CAPN9: variants seen among roughly 807,000 people sequenced by gnomAD.
CAPN9 encodes calpain 9.
Under a neutral mutation model 92.8 loss-of-function variants are expected in CAPN9, and 81 were observed. That is an observed-to-expected ratio of 0.87 (90% CI 0.73 to 1.05). The LOEUF is 1.05. Among genes scored for constraint, CAPN9 ranks in the 50% least tolerant of loss-of-function variants. The pLI, the probability that CAPN9 is intolerant of heterozygous loss-of-function variation, is 0.00. For synonymous variants in CAPN9, 304 were observed against 328.0 expected, an observed-to-expected ratio of 0.93 and a Z score of 0.79; for missense variants, 848 against 866.2, an observed-to-expected ratio of 0.98 and a Z score of 0.26.
chr1:230,801,272 T>G (rs1668710580), intron 19 of CAPN9, among the ~76,000 whole-genome samples: 1 of 152,144 alleles, frequency 6.6e-6, no homozygotes, highest in African/African-American at 2.4e-5. Context: ...CCCAAGATGC[T>G]TCAGCGAGGC....
At chr1:230,761,344 C>T (rs954634626) in intron 3 of CAPN9, among the ~76,000 whole-genome samples, 2 of 152,152 alleles carry the variant, frequency 1.3e-5, no homozygotes, top group Non-Finnish European at 2.9e-5. Context: ...TCCTGACTCA[C>T]AGGCCCCCTG....
chr1:230,788,669 T>C (rs1476214157), intron 13 of CAPN9, among the ~76,000 whole-genome samples: 1 of 151,248 alleles, frequency 6.6e-6, no homozygotes, highest in Non-Finnish European at 1.5e-5. Flanking sequence ...ATGGAGAAAA[T>C]GGGGGCTCAT....
intron 5 of CAPN9, among the ~76,000 whole-genome samples, chr1:230,768,160 G>A (rs567846658): frequency 6.6e-6 from 1 of 152,228 alleles, no homozygotes; most frequent in African/African-American, 2.4e-5. Flanking sequence ...CTTGAGCCCA[G>A]GAGTTTGAGG....
chr1:230,759,687 G>GT, intron 3 of CAPN9, 57 bp downstream of exon 3: 1 of 1,128,720 alleles, frequency 8.9e-7, no homozygotes, highest in Non-Finnish European at 1.3e-6. Flanking sequence ...CATGAGGGCA[G>GT]GTGCATTTCC....
At chr1:230,779,940 G>T (rs779731528) in intron 9 of CAPN9, among the ~76,000 whole-genome samples, 12 of 152,182 alleles carry the variant, frequency 7.9e-5, no homozygotes, top group Non-Finnish European at 1.3e-4. Flanking sequence ...TTGAAGAGAA[G>T]GTGGAAATGA....
intron 1 of CAPN9, among the ~76,000 whole-genome samples, chr1:230,751,663 GAAAGAA>G (rs1664839094): frequency 3.0e-5 from 2 of 67,464 alleles, no homozygotes; most frequent in Non-Finnish European, 6.1e-5. Context: ...AAGAAAGAAA[GAAAGAA>G]AGAAAGAAAG....
At chr1:230,790,412 A>G (rs1667901837) in intron 14 of CAPN9, 1 of 612,966 alleles carries the variant, frequency 1.6e-6, no homozygotes, top group Non-Finnish European at 2.0e-6. Context: ...AATGACAAAG[A>G]TAGTCACAAA....
chr1:230,763,946 G>T (rs1665802758), intron 4 of CAPN9, among the ~76,000 whole-genome samples: 1 of 152,184 alleles, frequency 6.6e-6, no homozygotes, highest in South Asian at 2.1e-4. Flanking sequence ...CCCTTGGTGA[G>T]TGCCCCCCAC....
chr1:230,792,983 G>A (rs1668112614), intron 17 of CAPN9, 55 bp downstream of exon 17: 1 of 1,339,978 alleles, frequency 7.5e-7, no homozygotes, highest in African/African-American at 1.4e-5. Context: ...ACTGCCTGTG[G>A]GCAACCTGAG....
intron 1 of CAPN9, among the ~76,000 whole-genome samples, chr1:230,750,308 C>T (rs941087651): frequency 6.6e-6 from 1 of 152,194 alleles, no homozygotes; most frequent in African/African-American, 2.4e-5. Flanking sequence ...TAACCCAGGT[C>T]TACTGTGTTG....
chr1:230,751,574 G>C (rs918807401), intron 1 of CAPN9, among the ~76,000 whole-genome samples: 1 of 82,562 alleles, frequency 1.2e-5, no homozygotes, highest in Non-Finnish European at 2.2e-5. Context: ...AAGAAAGAAA[G>C]AAGAAAGAAA....
intron 2 of CAPN9, among the ~76,000 whole-genome samples, chr1:230,759,088 G>A (rs1665444241): frequency 6.6e-6 from 1 of 152,152 alleles, no homozygotes; most frequent in South Asian, 2.1e-4. Flanking sequence ...GTCTGGGTTG[G>A]GGCTGCAGGG....
At chr1:230,754,798 C>G (rs1462160662) in intron 1 of CAPN9, among the ~76,000 whole-genome samples, 1 of 152,088 alleles carries the variant, frequency 6.6e-6, no homozygotes, top group Non-Finnish European at 1.5e-5. Flanking sequence ...CTGGGTGACA[C>G]AGCAAGATTC....
intron 10 of CAPN9, 25 bp from the exon 11 acceptor site, chr1:230,780,475 C>T: frequency 1.9e-6 from 3 of 1,609,146 alleles, no homozygotes; most frequent in Non-Finnish European, 2.6e-6. Flanking sequence ...CCCTAGGAAA[C>T]CCCTCCCTTT....
chr1:230,762,914 C>A, intron 4 of CAPN9, 128 bp downstream of exon 4: 1 of 980,812 alleles, frequency 1.0e-6, no homozygotes, highest in Non-Finnish European at 1.4e-6. Context: ...CGGCAGGACC[C>A]AACCCTCTCA....
Position 230,767,786 on chromosome 1 carries a change from G to GCA in CAPN9, c.705+77_705+78insCA. 1.3e-5 allele frequency: 18 copies of GCA among 1,345,376 alleles called. No homozygotes were observed. In the African/African-American group the frequency reaches 1.6e-4, roughly 12 times the overall value. 83.3% of individuals were successfully genotyped at this position (1,345,376 alleles called of 1,614,324 possible). ...GCATTCCAGGCACTATGCTGGGGCTGTACCAGGTACCCCAGCCACACCCAA... is the reference window on the plus strand; with the variant it reads ...GCATTCCAGGCACTATGCTGGGGCTGCATACCAGGTACCCCAGCCACACCCAA... On this transcript the variant is annotated intron_variant, in intron 5 of 19. Coordinates refer to ENST00000271971, the MANE Select transcript of CAPN9 (RefSeq NM_006615.3).
In CAPN9 at chr1:230,769,252, G is replaced by C; in HGVS notation, c.778G>C (p.Gly260Arg). ...LIKGHAYSVT[G>R]IDQVSFRGQR... ...TAAGGGTCATGCCTACAGTGTAACG[G>C]GAATTGACCAGGTAGGCGACTTGAA... The change falls in exon 6 of 20, where the codon GGA (glycine) becomes CGA (arginine). Residue 260 changes from glycine to arginine, a missense_variant. Coordinates refer to ENST00000271971, the MANE Select transcript of CAPN9 (RefSeq NM_006615.3). The C allele has an allele frequency of 6.2e-7, 1 of 1,613,620 alleles. No homozygotes were observed. Among genetic ancestry groups the C allele is most frequent in the Non-Finnish European group, 8.5e-7 (1 of 1,179,524 alleles).
chr1:230,770,153 TC>T (rs1423223981), intron 6 of CAPN9, among the ~76,000 whole-genome samples: 1 of 152,104 alleles, frequency 6.6e-6, no homozygotes, highest in African/African-American at 2.4e-5. Flanking sequence ...GAGTAAGAAG[TC>T]CCACGATCTG....
At position 230,774,436 on chromosome 1, in the gene CAPN9, G is replaced by T. The variant is rs1572049821; in HGVS notation, c.876-118G>T. The T allele has an allele frequency of 1.3e-5, 9 of 713,284 alleles. No individual in the cohort carries two copies. The East Asian group carries it at 2.1e-4, about 17-fold the overall frequency. 44.2% of individuals were successfully genotyped at this position (713,284 alleles called of 1,614,324 possible). A position where few individuals can be genotyped will look rare whatever the true frequency, so the allele number is the denominator to read the frequency against. On this transcript the variant is annotated intron_variant, in intron 7 of 19. Transcript: ENST00000271971. ...CCTGGGTGCATTTTTGGGACCCAGT[G>T]AGTAGTTACTAAGCAGGTCTTATTT...
Sources: allele counts gnomAD v4.1 joint callset (sites outside exome capture counted in the v4.1 genomes callset), GRCh38; gene constraint gnomAD v4.1.1; transcripts MANE v1.5; gene names NCBI Gene and HGNC (gene_info 2026-07-23, HGNC 2026-07-21).